MAGI3: variants seen among roughly 807,000 people sequenced by gnomAD.
MAGI3 encodes membrane-associated guanylate kinase, WW and PDZ domain-containing protein 3.
A neutral mutation model predicts 121.8 loss-of-function variants in MAGI3; 43 were observed. The observed-to-expected ratio is 0.35, with a 90% CI of 0.28 to 0.46. The LOEUF (loss-of-function observed/expected upper bound fraction) is 0.46. Among genes scored for constraint, MAGI3 ranks in the 20% least tolerant of loss-of-function variants. MAGI3 has a pLI of 1.00. For missense variants in MAGI3, 1,547 were observed against 1,797.3 expected, an observed-to-expected ratio of 0.86 and a Z score of 2.52; for synonymous variants, 553 against 639.3, an observed-to-expected ratio of 0.86 and a Z score of 2.04.
intron 1 of MAGI3, among the ~76,000 whole-genome samples, chr1:113,456,256 C>A (rs544953705): frequency 1.3e-5 from 2 of 151,912 alleles, no homozygotes; most frequent in South Asian, 4.2e-4. Flanking sequence ...TGAGCCACCA[C>A]GCCCGGCCCC....
chr1:113,545,729 T>C (rs888036398), intron 1 of MAGI3, among the ~76,000 whole-genome samples: 1 of 152,252 alleles, frequency 6.6e-6, no homozygotes, highest in African/African-American at 2.4e-5. Flanking sequence ...TTGTAAGATA[T>C]ATAAATCTGT....
At chr1:113,623,510 C>T (rs1440129317) in intron 9 of MAGI3, among the ~76,000 whole-genome samples, 18 of 85,394 alleles carry the variant, frequency 2.1e-4, no homozygotes, top group African/African-American at 9.0e-4. Flanking sequence ...TTTTTTGAGA[C>T]GGAGTCTTGC....
intron 1 of MAGI3, among the ~76,000 whole-genome samples, chr1:113,494,740 T>G (rs1231492339): frequency 1.3e-5 from 2 of 152,196 alleles, no homozygotes; most frequent in Non-Finnish European, 2.9e-5. Flanking sequence ...ACAACTCTGT[T>G]GTAGTTAGGG....
intron 12 of MAGI3, 138 bp downstream of exon 12, chr1:113,646,780 C>G: frequency 4.7e-6 from 3 of 636,658 alleles, no homozygotes; most frequent in Non-Finnish European, 7.3e-6. Context: ...CTCTGGACTT[C>G]TTCCATGTAT....
intron 1 of MAGI3, among the ~76,000 whole-genome samples, chr1:113,427,156 T>C (rs1264310762): frequency 1.3e-5 from 2 of 152,228 alleles, no homozygotes. Flanking sequence ...GAAGTTTATC[T>C]GATACCACTG....
chr1:113,465,879 T>A (rs539591361), intron 1 of MAGI3, among the ~76,000 whole-genome samples: 1 of 152,022 alleles, frequency 6.6e-6, no homozygotes, highest in Non-Finnish European at 1.5e-5. Context: ...TTTGTTTATC[T>A]GTTCTAATAG....
rs535289410 is a variant in MAGI3, at chr1:113,582,244, A to G, written c.553+1583A>G. On this transcript the variant is annotated intron_variant, in intron 3 of 20. Transcript: ENST00000307546. Reference sequence around the variant, plus strand: ...TCGTGGCAGTAGCTGGTAAATTTGAAGATATACATAACTCTGACCTAGCAG... The same window carrying G: ...TCGTGGCAGTAGCTGGTAAATTTGAGGATATACATAACTCTGACCTAGCAG... Among the ~76,000 whole-genome samples, 13 of 152,192 alleles carry G rather than the reference A, an allele frequency of 8.5e-5. No individual in the cohort carries two copies. The South Asian group carries it at 2.1e-3, about 24-fold the overall frequency.
intron 4 of MAGI3, among the ~76,000 whole-genome samples, chr1:113,587,883 A>G (rs1648472459): frequency 6.6e-6 from 1 of 152,116 alleles, no homozygotes; most frequent in African/African-American, 2.4e-5. Context: ...GTACCTTTTA[A>G]TTTCTATCAT....
At chr1:113,491,458 C>T (rs1375973601) in intron 1 of MAGI3, among the ~76,000 whole-genome samples, 3 of 151,926 alleles carry the variant, frequency 2.0e-5, no homozygotes, top group Non-Finnish European at 4.4e-5. Flanking sequence ...TAAATCACAA[C>T]TAAGAGAACT....
intron 18 of MAGI3, 121 bp downstream of exon 18, chr1:113,672,862 G>A (rs1267243510): frequency 1.6e-6 from 2 of 1,281,734 alleles, no homozygotes; most frequent in Non-Finnish European, 2.1e-6. Flanking sequence ...AATTCTCGAA[G>A]ACCTGCCATG....
intron 1 of MAGI3, among the ~76,000 whole-genome samples, chr1:113,466,118 T>C (rs1655271082): frequency 2.0e-5 from 3 of 152,132 alleles, no homozygotes. Context: ...TTGAGTGCAG[T>C]GTTAGCTGGG....
intron 1 of MAGI3, among the ~76,000 whole-genome samples, chr1:113,424,879 A>G (rs1652917572): frequency 1.3e-5 from 2 of 152,210 alleles, no homozygotes; most frequent in East Asian, 1.9e-4. Flanking sequence ...CACGCCTGTA[A>G]TCCCAGCACT....
intron 2 of MAGI3, among the ~76,000 whole-genome samples, chr1:113,558,676 C>G (rs1224536089): frequency 6.6e-6 from 1 of 152,208 alleles, no homozygotes; most frequent in East Asian, 1.9e-4. Flanking sequence ...CCTAGCAAGA[C>G]AGGCCAAGCC....
intron 2 of MAGI3, among the ~76,000 whole-genome samples, chr1:113,553,181 C>A (rs1659853135): frequency 6.6e-6 from 1 of 152,028 alleles, no homozygotes; most frequent in East Asian, 1.9e-4. Context: ...CAGAGGAATC[C>A]TATAATTTCC....
At chr1:113,547,612 A>G (rs1200383555) in intron 1 of MAGI3, among the ~76,000 whole-genome samples, 1 of 152,222 alleles carries the variant, frequency 6.6e-6, no homozygotes, top group Non-Finnish European at 1.5e-5. Flanking sequence ...ACCTGATTTT[A>G]AAAATACTTA....
chr1:113,514,390 G>A (rs1363271252), intron 1 of MAGI3, among the ~76,000 whole-genome samples: 1 of 152,050 alleles, frequency 6.6e-6, no homozygotes, highest in Non-Finnish European at 1.5e-5. Context: ...GTCCAACAAT[G>A]ATAGACTGGA....
intron 1 of MAGI3, among the ~76,000 whole-genome samples, chr1:113,429,608 G>A (rs747149714): frequency 8.5e-5 from 13 of 152,202 alleles, no homozygotes; most frequent in Non-Finnish European, 1.9e-4. Context: ...CTATGCAAAC[G>A]TGTGATTGGT....
In MAGI3 at chr1:113,643,729, A is replaced by ATT. The variant is rs548097728; in HGVS notation, c.1967-5_1967-4dup. 4 of 1,357,458 alleles carry ATT rather than the reference A, an allele frequency of 2.9e-6. No homozygotes were observed. The highest frequency in any genetic ancestry group is 1.9e-5 in the Admixed American group (1 of 51,670). The allele number at this position is 1,357,458 out of a possible 1,614,324, so 84.1% of individuals were successfully genotyped here. On this transcript the variant is annotated splice_polypyrimidine_tract_variant and intron_variant, in intron 10 of 20. Coordinates refer to ENST00000307546, the MANE Select transcript of MAGI3 (RefSeq NM_001142782.2). ...ATCCTCTGGTTTTAAACTTTGGTTC[A>ATT]TTTTTTTTTTAAGGTCCTCCTTCAC...
chr1:113,503,309 GAAAA>G (rs59331456), intron 1 of MAGI3, among the ~76,000 whole-genome samples: 13 of 36,134 alleles, frequency 3.6e-4, no homozygotes, highest in African/African-American at 1.1e-3. Context: ...CCTGTCTCAG[GAAAA>G]AAAAAAAAAA....
Sources: gnomAD v4.1 joint callset for allele counts (sites outside exome capture counted in the v4.1 genomes callset) on GRCh38, gnomAD v4.1.1 for gene constraint, MANE v1.5 for transcripts, NCBI Gene and HGNC (gene_info 2026-07-23, HGNC 2026-07-21) for gene names.